ARHGAP31: variants seen among roughly 807,000 people sequenced by gnomAD.
ARHGAP31 encodes rho GTPase-activating protein 31.
ARHGAP31 carries 34 observed loss-of-function variants against 113.9 expected under a neutral mutation model. That is an observed-to-expected ratio of 0.30 (90% CI 0.23 to 0.40). The LOEUF is 0.40. Among genes scored for constraint, ARHGAP31 ranks in the 10% least tolerant of loss-of-function variants. The pLI is 1.00. For synonymous variants in ARHGAP31, 650 were observed against 684.8 expected, an observed-to-expected ratio of 0.95 and a Z score of 0.79; for missense variants, 1,548 against 1,767.1, an observed-to-expected ratio of 0.88 and a Z score of 2.22.
chr3:119,327,741 G>C (rs1023817579), intron 1 of ARHGAP31, among the ~76,000 whole-genome samples: 2 of 152,150 alleles, frequency 1.3e-5, no homozygotes, highest in African/African-American at 2.4e-5. Context: ...CAGGTCCACA[G>C]GAGCAGAGAA....
In ARHGAP31 at chr3:119,415,352, G is replaced by A. The variant is rs757393982; in HGVS notation, c.3423G>A (p.Lys1141=). The change falls in exon 12 of 12, where the codon AAG becomes AAA. Residue 1141 remains lysine (K), a synonymous_variant. Coordinates refer to ENST00000264245, the MANE Select transcript of ARHGAP31 (RefSeq NM_020754.4). ...GMQVSEPGDP[K]VTWMTSSYCK... is the part of the protein sequence containing the mutation. Reference sequence around the variant, plus strand: ...AGGTCTCTGAGCCAGGAGACCCAAAGGTCACATGGATGACCTCATCTTACT... The same window carrying A: ...AGGTCTCTGAGCCAGGAGACCCAAAAGTCACATGGATGACCTCATCTTACT... 15 of 1,614,076 alleles carry A rather than the reference G, an allele frequency of 9.3e-6. No individual in the cohort carries two copies. In the South Asian group the frequency reaches 1.4e-4, roughly 15 times the overall value.
intron 1 of ARHGAP31, among the ~76,000 whole-genome samples, chr3:119,353,365 C>T (rs1187576042): frequency 2.0e-5 from 3 of 152,152 alleles, no homozygotes; most frequent in East Asian, 3.8e-4. Flanking sequence ...TGTCTAGGGC[C>T]CTTAGCATAT....
At chr3:119,362,552 G>T (rs1379668500) in intron 1 of ARHGAP31, among the ~76,000 whole-genome samples, 1 of 152,152 alleles carries the variant, frequency 6.6e-6, no homozygotes, top group African/African-American at 2.4e-5. Flanking sequence ...TGGATCACCG[G>T]AGATCAGGAG....
chr3:119,376,362 G>A (rs775810913), intron 3 of ARHGAP31, among the ~76,000 whole-genome samples: 17 of 152,052 alleles, frequency 1.1e-4, no homozygotes, highest in Non-Finnish European at 1.6e-4. Flanking sequence ...GGTAGTGTGC[G>A]CCTGTAATCC....
intron 10 of ARHGAP31, among the ~76,000 whole-genome samples, chr3:119,408,471 T>G (rs989708736): frequency 6.6e-6 from 1 of 152,212 alleles, no homozygotes; most frequent in Admixed American, 6.5e-5. Context: ...AGTGGTTTGG[T>G]CTTAACCAAT....
chr3:119,363,638 C>G (rs764394678), intron 1 of ARHGAP31, among the ~76,000 whole-genome samples: 8 of 152,148 alleles, frequency 5.3e-5, no homozygotes, highest in Non-Finnish European at 1.2e-4. Context: ...ATGCTTAGAG[C>G]ACGTCATAAT....
chr3:119,318,968 A>T (rs934350946), intron 1 of ARHGAP31, among the ~76,000 whole-genome samples: 2 of 152,146 alleles, frequency 1.3e-5, no homozygotes, highest in African/African-American at 4.8e-5. Context: ...AAAAAACAAA[A>T]AAAATGCCTT....
At chr3:119,333,084 C>T (rs1192468260) in intron 1 of ARHGAP31, among the ~76,000 whole-genome samples, 1 of 152,184 alleles carries the variant, frequency 6.6e-6, no homozygotes, top group Non-Finnish European at 1.5e-5. Context: ...AGAGCCCATG[C>T]GTCATCTATC....
intron 8 of ARHGAP31, among the ~76,000 whole-genome samples, chr3:119,394,740 A>T (rs549659523): frequency 6.6e-6 from 1 of 152,300 alleles, no homozygotes; most frequent in South Asian, 2.1e-4. Context: ...AGATCACTTG[A>T]GCCCAGGAGT....
chr3:119,365,277 A>G, intron 1 of ARHGAP31, 39 bp from the exon 2 acceptor site: 2 of 1,542,084 alleles, frequency 1.3e-6, no homozygotes, highest in Non-Finnish European at 1.8e-6. Flanking sequence ...GCAGACTTAC[A>G]TCTAATACTT....
chr3:119,377,180 A>T (rs937113860), intron 3 of ARHGAP31, among the ~76,000 whole-genome samples: 26 of 152,370 alleles, frequency 1.7e-4, no homozygotes, highest in African/African-American at 5.8e-4. Flanking sequence ...GCACAGTTCT[A>T]GGTGCGGAGA....
At chr3:119,309,813 G>C (rs1465199283) in intron 1 of ARHGAP31, among the ~76,000 whole-genome samples, 1 of 152,082 alleles carries the variant, frequency 6.6e-6, no homozygotes, top group Non-Finnish European at 1.5e-5. Flanking sequence ...GTTGTCTTCT[G>C]CGAAACCAGT....
chr3:119,343,392 C>G (rs1421233022), intron 1 of ARHGAP31, among the ~76,000 whole-genome samples: 6 of 152,166 alleles, frequency 3.9e-5, no homozygotes, highest in African/African-American at 1.4e-4. Flanking sequence ...ACTTGCCTTG[C>G]AAGGTTGGAT....
intron 1 of ARHGAP31, among the ~76,000 whole-genome samples, chr3:119,321,730 C>A (rs538804036): frequency 6.6e-6 from 1 of 152,160 alleles, no homozygotes; most frequent in Admixed American, 6.5e-5. Context: ...CTCATTGAAG[C>A]CTCTACCTCT....
intron 1 of ARHGAP31, among the ~76,000 whole-genome samples, chr3:119,337,156 G>A (rs556914168): frequency 3.3e-5 from 5 of 152,294 alleles, no homozygotes; most frequent in East Asian, 1.9e-4. Flanking sequence ...GAATGAAGCC[G>A]CGGACCCTGG....
Position 119,417,249 on chromosome 3 carries a change from A to AC in ARHGAP31, c.*985_*986insC, listed in dbSNP as rs11391882. ...AATTGGTGGGGCACCAGCAGAAAAT[A>AC]TTCTAGCTCAGCTTTACTCTTCTTC... On this transcript the variant is annotated 3_prime_UTR_variant, in exon 12 of 12. Transcript: ENST00000264245. 115,143 of 151,916 alleles carry AC rather than the reference A, an allele frequency of 0.76. 43,822 individuals are homozygous for AC. The highest frequency in any genetic ancestry group is 0.86 in the East Asian group (4,448 of 5,144). 9.4% of individuals were successfully genotyped at this position (151,916 alleles called of 1,614,324 possible).
At chr3:119,400,461 AAAT>A (rs754187874) in intron 9 of ARHGAP31, among the ~76,000 whole-genome samples, 2 of 152,104 alleles carry the variant, frequency 1.3e-5, no homozygotes, top group African/African-American at 4.8e-5. Context: ...CTCAAAAAAA[AAAT>A]AATAATAATT....
At position 119,415,196 on chromosome 3, in the gene ARHGAP31, G is replaced by A. The variant is rs748937436; in HGVS notation, c.3267G>A (p.Gln1089=). Residue 1089 remains glutamine, a synonymous_variant, in exon 12 of 12, where the codon CAG becomes CAA. Coordinates refer to ENST00000264245, the MANE Select transcript of ARHGAP31 (RefSeq NM_020754.4). The part of the protein sequence containing the change: ...TSPGEHPAKL[Q]LKSTECGPPK... ...CTGGAGAGCACCCCGCAAAGTTACA[G>A]CTAAAGAGCACAGAGTGTGGGCCCC... is the stretch of plus-strand genomic sequence containing the variant. The A allele has an allele frequency of 6.2e-7, 1 of 1,614,090 alleles. No individual in the cohort carries two copies. The highest frequency in any genetic ancestry group is 1.3e-5 in the African/African-American group (1 of 74,938).
intron 1 of ARHGAP31, among the ~76,000 whole-genome samples, chr3:119,355,904 G>C (rs1489842248): frequency 6.6e-6 from 1 of 152,108 alleles, no homozygotes; most frequent in East Asian, 1.9e-4. Context: ...ATTTGGATTG[G>C]TTCCAAGTCT....
Sources: allele counts gnomAD v4.1 joint callset (sites outside exome capture counted in the v4.1 genomes callset), GRCh38; gene constraint gnomAD v4.1.1; transcripts MANE v1.5; gene names NCBI Gene and HGNC (gene_info 2026-07-23, HGNC 2026-07-21).